The following PAIP1 variants were observed in gnomAD, a reference collection of about 807,000 sequenced individuals.
PAIP1 encodes the protein poly(A) binding protein interacting protein 1.
A neutral mutation model predicts 61.3 loss-of-function variants in PAIP1; 16 were observed. The ratio of observed to expected loss-of-function variants is 0.26; its 90% CI spans 0.18 to 0.40. PAIP1 has a LOEUF of 0.40. Among genes scored for constraint, PAIP1 ranks in the 10% least tolerant of loss-of-function variants. The pLI, the probability that PAIP1 is intolerant of heterozygous loss-of-function variation, is 1.00. For synonymous variants in PAIP1, 187 were observed against 226.2 expected (o/e 0.83, Z 1.56); for missense variants, 416 against 600.9 (o/e 0.69, Z 3.22).
At chr5:43,553,576 G>A (rs918676293) in intron 2 of PAIP1, among the ~76,000 whole-genome samples, 11 of 152,172 alleles carry the variant, frequency 7.2e-5, no homozygotes, top group African/African-American at 2.4e-4. Flanking sequence ...CTACTAAAAG[G>A]AAATGTTTCC....
chr5:43,529,979 C>A (rs1746874392), intron 9 of PAIP1, 100 bp from the exon 10 acceptor site: 2 of 665,118 alleles, frequency 3.0e-6, no homozygotes, highest in East Asian at 2.7e-5. Flanking sequence ...TTTTGCCCCC[C>A]TGCATGCTCA....
chr5:43,539,049 T>G lies in PAIP1; in HGVS notation c.735-14A>C, dbSNP rs753259812. ...TCAGTCCGACATCTAATTAAAGACA[T>G]ATCTTTTATAATCTCACATTGCTTT... is the stretch of plus-strand genomic sequence containing the variant. On this transcript the variant is annotated splice_polypyrimidine_tract_variant and intron_variant, in intron 4 of 10. Transcript: ENST00000306846. The G allele has an allele frequency of 1.2e-5, 17 of 1,461,456 alleles. No homozygotes were observed. The highest frequency in any genetic ancestry group is 1.5e-5 in the Non-Finnish European group (16 of 1,042,384). The allele number at this position is 1,461,456 out of a possible 1,614,324, so 90.5% of individuals were successfully genotyped here.
In PAIP1 at chr5:43,543,065, G is replaced by A. The variant is rs1375520417; in HGVS notation, c.673C>T (p.Leu225=). 1 of 1,611,022 alleles carries A rather than the reference G, an allele frequency of 6.2e-7. No individual in the cohort carries two copies. The highest frequency in any genetic ancestry group is 2.2e-5 in the East Asian group (1 of 44,816). The change falls in exon 4 of 11, where the codon CTG becomes TTG. Residue 225 remains leucine (L), a synonymous_variant. Coordinates refer to ENST00000306846, the MANE Select transcript of PAIP1 (RefSeq NM_006451.5). ...GGGCTAATTGTCAGATGATGGGACAGGTAATTACACAGGCGAGCTCCCATA... is the reference window on the plus strand; with the variant it reads ...GGGCTAATTGTCAGATGATGGGACAAGTAATTACACAGGCGAGCTCCCATA... ...SYMGARLCNY[L]SHHLTISPQS...
chr5:43,553,467 T>A (rs1747942664), intron 2 of PAIP1, among the ~76,000 whole-genome samples: 1 of 152,236 alleles, frequency 6.6e-6, no homozygotes, highest in African/African-American at 2.4e-5. Flanking sequence ...GACAGGAATT[T>A]CTGTCCATTT....
chr5:43,545,089 T>G (rs766167087), intron 3 of PAIP1, among the ~76,000 whole-genome samples: 1 of 152,264 alleles, frequency 6.6e-6, no homozygotes, highest in African/African-American at 2.4e-5. Flanking sequence ...TGCACAACTT[T>G]GTCTTCCCTA....
intron 3 of PAIP1, among the ~76,000 whole-genome samples, chr5:43,544,576 C>T (rs1313878881): frequency 5.3e-5 from 8 of 152,284 alleles, no homozygotes; most frequent in South Asian, 4.1e-4. Context: ...CCCATATCTC[C>T]GCACTACGTA....
rs879785588 is a variant in PAIP1 at position 43,556,832 on chromosome 5, G to A, written c.15C>T (p.Phe5=). The A allele has an allele frequency of 4.1e-6, 6 of 1,448,296 alleles. No homozygotes were observed. The highest frequency in any genetic ancestry group is 5.7e-5 in the Admixed American group (2 of 35,318). 89.7% of individuals were successfully genotyped at this position (1,448,296 alleles called of 1,614,324 possible). A position where few individuals can be genotyped will look rare whatever the true frequency, so the allele number is the denominator to read the frequency against. ...CCCGACCAGCACCTGGGGCCCGATC[G>A]AAACCGTCCGACATGCTCCTCCTCC... MSDG[F]DRAPGAGRGR... is the part of the protein sequence containing the mutation. Residue 5 remains phenylalanine, a synonymous_variant, in exon 1 of 11, where the codon TTC becomes TTT. Transcript: ENST00000306846.
chr5:43,547,683 C>T, intron 3 of PAIP1, 45 bp downstream of exon 3: 6 of 1,313,320 alleles, frequency 4.6e-6, no homozygotes, highest in Non-Finnish European at 4.3e-6. Context: ...CCTTGGGCTT[C>T]AAGGAAGCTA....
Position 43,556,728 on chromosome 5 carries a change from C to T in PAIP1, c.119G>A (p.Arg40Gln), listed in dbSNP as rs550677463. ...GFPNGAGPAE[R>Q]ARHQPPQPKA... ...GGGTTGCGGCGGCTGGTGCCGCGCCCGCTCAGCAGGCCCCGCTCCGTTCGG... is the reference window on the plus strand; with the variant it reads ...GGGTTGCGGCGGCTGGTGCCGCGCCTGCTCAGCAGGCCCCGCTCCGTTCGG... Residue 40 changes from arginine to glutamine, a missense_variant, in exon 1 of 11, where the codon CGG (arginine) becomes CAG (glutamine). By Grantham distance (43) the Arg-to-Gln change is conservative (BLOSUM62 1). Transcript: ENST00000306846. 4 of 1,352,402 alleles carry T rather than the reference C, an allele frequency of 3.0e-6. No individual in the cohort carries two copies. Among genetic ancestry groups the T allele is most frequent in the Admixed American group, 7.4e-5 (2 of 27,190 alleles). 83.8% of individuals were successfully genotyped at this position (1,352,402 alleles called of 1,614,324 possible).
At position 43,526,981 on chromosome 5, in the gene PAIP1, A is replaced by G. The variant is rs532660354; in HGVS notation, c.*395T>C. On this transcript the variant is annotated 3_prime_UTR_variant, in exon 11 of 11. Transcript: ENST00000306846. ...GTCAAACTAAAATGAAAGCTATAATACTCCTACCTAAAAAAGGATGCTACA... is the reference window on the plus strand; with the variant it reads ...GTCAAACTAAAATGAAAGCTATAATGCTCCTACCTAAAAAAGGATGCTACA... 1 of 153,060 alleles carries G rather than the reference A, an allele frequency of 6.5e-6. No homozygotes were observed. Among genetic ancestry groups the G allele is most frequent in the African/African-American group, 2.4e-5 (1 of 41,426 alleles). 9.5% of individuals were successfully genotyped at this position (153,060 alleles called of 1,614,324 possible).
intron 2 of PAIP1, among the ~76,000 whole-genome samples, chr5:43,554,206 C>T (rs970342286): frequency 6.6e-6 from 1 of 152,196 alleles, no homozygotes; most frequent in African/African-American, 2.4e-5. Flanking sequence ...ACGATTATTA[C>T]ATACACAAAC....
At chr5:43,551,538 C>A (rs971017037) in intron 2 of PAIP1, among the ~76,000 whole-genome samples, 2 of 152,120 alleles carry the variant, frequency 1.3e-5, no homozygotes, top group African/African-American at 4.8e-5. Flanking sequence ...TAACTACATA[C>A]ATGCGTGAAT....
rs1026746458 is a variant in PAIP1 at position 43,530,545 on chromosome 5, C to G, written c.1253-666G>C. Among the ~76,000 whole-genome samples the G allele has an allele frequency of 3.3e-5, 5 of 152,160 alleles. No homozygotes were observed. In the South Asian group the frequency reaches 1.0e-3, roughly 32 times the overall value. ...CCTTATAGTTTCTTATGAACAGAAG[C>G]CAACGGAAATTTTGCAATTATATTA... On this transcript the variant is annotated intron_variant, in intron 9 of 10. Coordinates refer to ENST00000306846, the MANE Select transcript of PAIP1 (RefSeq NM_006451.5).
intron 10 of PAIP1, among the ~76,000 whole-genome samples, chr5:43,529,317 A>G (rs576698382): frequency 6.6e-6 from 1 of 152,300 alleles, no homozygotes; most frequent in East Asian, 1.9e-4. Context: ...CCTCAACTAT[A>G]CATTTTTCAG....
chr5:43,549,709 TTTTATC>T (rs1389073431), intron 2 of PAIP1, among the ~76,000 whole-genome samples: 2 of 152,026 alleles, frequency 1.3e-5, no homozygotes, highest in South Asian at 2.1e-4. Context: ...ACACTTTTTA[TTTTATC>T]TTTATTTTTT....
At chr5:43,543,300 A>G (rs1214542993) in intron 3 of PAIP1, among the ~76,000 whole-genome samples, 184 bp from the exon 4 acceptor site, 1 of 143,846 alleles carries the variant, frequency 7.0e-6, no homozygotes, top group Non-Finnish European at 1.5e-5. Context: ...AGCAAGAACC[A>G]CAATAAGTAC....
At chr5:43,541,152 A>G (rs1289474507) in intron 4 of PAIP1, among the ~76,000 whole-genome samples, 1 of 84,734 alleles carries the variant, frequency 1.2e-5, no homozygotes, top group East Asian at 3.8e-4. Context: ...TTTGATACGG[A>G]GTCTGGCTGT....
chr5:43,547,029 C>T (rs1435724710), intron 3 of PAIP1, among the ~76,000 whole-genome samples: 1 of 77,402 alleles, frequency 1.3e-5, no homozygotes, highest in East Asian at 4.2e-4. Context: ...GGAGACAGGG[C>T]AAGACTCCAT....
rs111367268 is a variant in PAIP1 at position 43,533,350 on chromosome 5, T to A, written c.1252+388A>T. Among the ~76,000 whole-genome samples the A allele has an allele frequency of 4.2e-4, 64 of 152,360 alleles. No homozygotes were observed. The Middle Eastern group carries it at 0.01, about 24-fold the overall frequency. On this transcript the variant is annotated intron_variant, in intron 9 of 10. Coordinates refer to ENST00000306846, the MANE Select transcript of PAIP1 (RefSeq NM_006451.5). ...TGAATGAAATGTGTAATTCTTCGTG[T>A]AAAGTATTAACCCATATTAATATAT... is the stretch of plus-strand genomic sequence containing the variant.
Sources: gnomAD v4.1 joint callset for allele counts (sites outside exome capture counted in the v4.1 genomes callset) on GRCh38, gnomAD v4.1.1 for gene constraint, MANE v1.5 for transcripts, NCBI Gene and HGNC (gene_info 2026-07-23, HGNC 2026-07-21) for gene names.